The following WNK1 variants were observed in gnomAD, a reference collection of about 807,000 sequenced individuals.
WNK1 encodes WNK lysine deficient protein kinase 1, also known as serine/threonine-protein kinase WNK1.
In WNK1, 38 loss-of-function variants were observed where a neutral mutation model predicts 222.8. The ratio of observed to expected loss-of-function variants is 0.17; its 90% CI spans 0.13 to 0.22. The LOEUF is 0.22. Among genes scored for constraint, WNK1 ranks in the 10% least tolerant of loss-of-function variants. WNK1 has a pLI of 1.00. For missense variants in WNK1, 2,348 were observed against 2,918.4 expected (o/e 0.80, Z 4.50); for synonymous variants, 1,090 against 1,092.9 (o/e 1.00, Z 0.05).
rs1032767162 is a variant in WNK1 at position 765,072 on chromosome 12, C to T, written c.759+10748C>T. ...CTGGTCTGGAACTCCTCAGGTGATC[C>T]ACCCATCTCAGTCTTCCAAAGTGCT... On this transcript the variant is annotated intron_variant, in intron 1 of 27. Transcript: ENST00000315939. Among the ~76,000 whole-genome samples, 18 of 148,044 alleles carry T rather than the reference C, an allele frequency of 1.2e-4. 1 individual carries two copies. Among genetic ancestry groups the T allele is most frequent in the Non-Finnish European group, 2.4e-4 (16 of 66,144 alleles).
At chr12:809,243 A>ATT (rs869187932) in intron 1 of WNK1, among the ~76,000 whole-genome samples, 7,141 of 104,324 alleles carry the variant, frequency 0.068, 323 homozygotes, top group African/African-American at 0.084. Context: ...AAAAAAAAAA[A>ATT]TTTTTTTTTT....
rs72648675 is a variant in WNK1, at chr12:859,552, G to A, written c.1620+88G>A. 145 of 982,154 alleles carry A rather than the reference G, an allele frequency of 1.5e-4. 1 individual carries two copies. In the African/African-American group the frequency reaches 1.8e-3, roughly 13 times the overall value. 60.8% of individuals were successfully genotyped at this position (982,154 alleles called of 1,614,324 possible). ...GCAAAAAAGCAGTTGATGAAGTGCC[G>A]TGTGTGGCATATCCCATTGACATAA... On this transcript the variant is annotated intron_variant, in intron 6 of 27. Coordinates refer to ENST00000315939, the MANE Select transcript of WNK1 (RefSeq NM_018979.4).
chr12:769,231 C>G (rs1346442299), intron 1 of WNK1, among the ~76,000 whole-genome samples: 1 of 151,702 alleles, frequency 6.6e-6, no homozygotes, highest in Middle Eastern at 3.5e-3. Context: ...CAGATTCTCA[C>G]TCTGTTACCC....
intron 1 of WNK1, among the ~76,000 whole-genome samples, chr12:801,934 T>TG (rs1191055474): frequency 1.7e-4 from 26 of 152,320 alleles, no homozygotes; most frequent in African/African-American, 6.0e-4. Flanking sequence ...AATCCTTGTC[T>TG]GTCCCCATTG....
At chr12:850,144 C>G (rs1472390837) in intron 4 of WNK1, among the ~76,000 whole-genome samples, 4 of 152,236 alleles carry the variant, frequency 2.6e-5, no homozygotes, top group African/African-American at 9.6e-5. Context: ...AATCGCCACA[C>G]TGACTTCCAC....
intron 4 of WNK1, among the ~76,000 whole-genome samples, chr12:837,782 A>G (rs1157528350): frequency 6.6e-6 from 1 of 152,274 alleles, no homozygotes; most frequent in South Asian, 2.1e-4. Flanking sequence ...CTTTAACAAC[A>G]GGTATGTGCA....
intron 4 of WNK1, among the ~76,000 whole-genome samples, chr12:845,112 G>GTC (rs1444950565): frequency 1.3e-5 from 2 of 151,196 alleles, no homozygotes. Context: ...AGCCGGGATG[G>GTC]TCTCGATCTC....
intron 7 of WNK1, 36 bp from the exon 8 acceptor site, chr12:862,043 TTCTC>T (rs749239175): frequency 2.0e-5 from 32 of 1,610,760 alleles, no homozygotes; most frequent in Middle Eastern, 1.8e-4. Context: ...TGATTTGTCT[TTCTC>T]TCTCTCTTTT....
At chr12:856,509 T>C (rs181621455) in intron 4 of WNK1, among the ~76,000 whole-genome samples, 58 of 152,226 alleles carry the variant, frequency 3.8e-4, no homozygotes, top group Middle Eastern at 3.4e-3. Flanking sequence ...GATTTTAAAC[T>C]ATTACTGTGA....
intron 1 of WNK1, among the ~76,000 whole-genome samples, chr12:761,071 C>T (rs201359078): frequency 1.4e-5 from 2 of 146,688 alleles, no homozygotes; most frequent in Non-Finnish European, 3.0e-5. Flanking sequence ...AGGCATGAGC[C>T]GCCGTTCCTG....
At chr12:832,106 C>T (rs1480433944) in intron 4 of WNK1, among the ~76,000 whole-genome samples, 1 of 152,058 alleles carries the variant, frequency 6.6e-6, no homozygotes, top group East Asian at 1.9e-4. Flanking sequence ...GACGGCGTCT[C>T]GCTCTGTCGC....
At chr12:871,371 T>A in intron 9 of WNK1, 23 bp downstream of exon 9, 1 of 1,607,440 alleles carries the variant, frequency 6.2e-7, no homozygotes. Context: ...CATTGCAACA[T>A]TTTATGAATT....
At chr12:894,751 T>C in intron 23 of WNK1, 116 bp downstream of exon 23, 1 of 859,482 alleles carries the variant, frequency 1.2e-6, no homozygotes, top group Non-Finnish European at 2.0e-6. Context: ...TTCTGTCACA[T>C]AGTACTTTAT....
chr12:766,529 A>G (rs939859637), intron 1 of WNK1, among the ~76,000 whole-genome samples: 2 of 151,792 alleles, frequency 1.3e-5, no homozygotes, highest in African/African-American at 2.4e-5. Flanking sequence ...CCCAGGCTGG[A>G]GTGCAGTGGC....
chr12:838,956 C>G (rs1459642838), intron 4 of WNK1, among the ~76,000 whole-genome samples: 1 of 152,072 alleles, frequency 6.6e-6, no homozygotes, highest in Non-Finnish European at 1.5e-5. Context: ...TTTTCTAGAT[C>G]CTAGATATTG....
chr12:828,715 C>G (rs1948566262), intron 3 of WNK1, among the ~76,000 whole-genome samples: 1 of 152,176 alleles, frequency 6.6e-6, no homozygotes, highest in Admixed American at 6.5e-5. Flanking sequence ...ATGTTAGAAA[C>G]TCAAAGCTGG....
rs1952959090 is a variant in WNK1 at position 879,584 on chromosome 12, C to G, written c.2385C>G (p.Ser795=). 1.2e-6 allele frequency: 2 copies of G among 1,604,726 alleles called. No homozygotes were observed. Among genetic ancestry groups the G allele is most frequent in the East Asian group, 2.2e-5 (1 of 44,510 alleles). Residue 795 remains serine (S), a synonymous_variant, in exon 11 of 28, where the codon TCC becomes TCG. Coordinates refer to ENST00000315939, the MANE Select transcript of WNK1 (RefSeq NM_018979.4). ...QVSAGKQLPV[S]QPVPTIQGEP... ...CTTTACCTTCCCAGCTTCCAGTTTC[C>G]CAGCCAGTACCAACTATCCAAGGCG...
chr12:797,675 G>C (rs1165962822), intron 1 of WNK1, among the ~76,000 whole-genome samples: 2 of 152,102 alleles, frequency 1.3e-5, no homozygotes. Context: ...CCAGGCGGCT[G>C]TGGCTCACAC....
chr12:851,970 G>C (rs562260317), intron 4 of WNK1, among the ~76,000 whole-genome samples: 2 of 152,112 alleles, frequency 1.3e-5, no homozygotes, highest in African/African-American at 4.8e-5. Flanking sequence ...GTGTGAGGAG[G>C]GGGTAGGCTT....
Sources: allele counts gnomAD v4.1 joint callset (sites outside exome capture counted in the v4.1 genomes callset), GRCh38; gene constraint gnomAD v4.1.1; transcripts MANE v1.5; gene names NCBI Gene and HGNC (gene_info 2026-07-23, HGNC 2026-07-21).